The following AUTS2 variants were observed in gnomAD, a reference collection of about 807,000 sequenced individuals.
AUTS2 encodes activator of transcription and developmental regulator AUTS2, also known as autism susceptibility gene 2 protein.
AUTS2 carries 17 observed loss-of-function variants against 112.4 expected under a neutral mutation model. That is an observed-to-expected ratio of 0.15 (90% confidence interval 0.10 to 0.23). AUTS2 has a LOEUF of 0.23. Among genes scored for constraint, AUTS2 ranks in the 10% least tolerant of loss-of-function variants. The pLI is 1.00. For synonymous variants in AUTS2, 751 were observed against 702.7 expected (o/e 1.07, Z -1.09); for missense variants, 1,510 against 1,701.6 (o/e 0.89, Z 1.98).
At chr7:70,476,327 T>C (rs1797581023) in intron 5 of AUTS2, among the ~76,000 whole-genome samples, 1 of 152,242 alleles carries the variant, frequency 6.6e-6, no homozygotes, top group South Asian at 2.1e-4. Flanking sequence ...TTCCAATGGC[T>C]CAGAGCTTCT....
At chr7:70,508,617 G>T (rs1799063516) in intron 5 of AUTS2, among the ~76,000 whole-genome samples, 1 of 152,184 alleles carries the variant, frequency 6.6e-6, no homozygotes, top group Non-Finnish European at 1.5e-5. Flanking sequence ...AAATATGAGT[G>T]GGGAGAGTGT....
At chr7:70,747,713 T>A (rs1055395475) in intron 6 of AUTS2, among the ~76,000 whole-genome samples, 1 of 152,032 alleles carries the variant, frequency 6.6e-6, no homozygotes, top group Non-Finnish European at 1.5e-5. Context: ...CTTGAACTCT[T>A]GACCTCAGGT....
chr7:70,028,582 C>T (rs781389781), intron 2 of AUTS2, among the ~76,000 whole-genome samples: 3 of 152,206 alleles, frequency 2.0e-5, no homozygotes, highest in East Asian at 1.9e-4. Context: ...CTTCTGGTGT[C>T]GTCACTTCTA....
At chr7:69,752,645 G>A (rs1272187615) in intron 1 of AUTS2, among the ~76,000 whole-genome samples, 1 of 152,220 alleles carries the variant, frequency 6.6e-6, no homozygotes, top group East Asian at 1.9e-4. Context: ...TGACACTCGC[G>A]GTTGACTCGT....
chr7:69,715,227 T>G (rs374285876), intron 1 of AUTS2, among the ~76,000 whole-genome samples: 1 of 129,430 alleles, frequency 7.7e-6, no homozygotes, highest in African/African-American at 2.9e-5. Flanking sequence ...CAGGCATAAG[T>G]AAAAAAAAAA....
intron 5 of AUTS2, among the ~76,000 whole-genome samples, chr7:70,487,802 C>T (rs983480541): frequency 2.0e-5 from 3 of 152,090 alleles, no homozygotes; most frequent in African/African-American, 4.8e-5. Context: ...AAGGATAAAT[C>T]GGTGAGGAAA....
At chr7:70,251,364 A>G (rs911064331) in intron 4 of AUTS2, among the ~76,000 whole-genome samples, 29 of 152,162 alleles carry the variant, frequency 1.9e-4, no homozygotes, top group Non-Finnish European at 4.0e-4. Flanking sequence ...CACCCGGCCA[A>G]TATAAAATAT....
At chr7:70,591,287 G>T (rs1802930214) in intron 5 of AUTS2, among the ~76,000 whole-genome samples, 2 of 152,190 alleles carry the variant, frequency 1.3e-5, no homozygotes, top group Admixed American at 6.5e-5. Context: ...TTGGTTCATA[G>T]GCCATGCTGC....
At chr7:70,610,588 G>A (rs1804044077) in intron 5 of AUTS2, among the ~76,000 whole-genome samples, 1 of 151,590 alleles carries the variant, frequency 6.6e-6, no homozygotes, top group Admixed American at 6.6e-5. Context: ...ACAGGTGCAC[G>A]CCACTACACC....
chr7:70,516,636 A>G (rs888547277), intron 5 of AUTS2, among the ~76,000 whole-genome samples: 57 of 152,264 alleles, frequency 3.7e-4, no homozygotes, highest in African/African-American at 1.3e-3. Context: ...GGTTATTGTG[A>G]GGATTAAATG....
At chr7:69,830,728 G>A (rs755196644) in intron 1 of AUTS2, among the ~76,000 whole-genome samples, 3 of 152,214 alleles carry the variant, frequency 2.0e-5, no homozygotes, top group South Asian at 2.1e-4. Context: ...CACATTTATT[G>A]AGCTCGTACT....
intron 2 of AUTS2, among the ~76,000 whole-genome samples, chr7:69,946,252 T>A (rs1796804930): frequency 1.3e-5 from 2 of 152,172 alleles, no homozygotes. Context: ...TCACCCAAGT[T>A]GTTACAAACT....
At chr7:69,755,978 G>GCAAA (rs1238783689) in intron 1 of AUTS2, among the ~76,000 whole-genome samples, 4 of 152,168 alleles carry the variant, frequency 2.6e-5, no homozygotes, top group Non-Finnish European at 5.9e-5. Context: ...ACTGAGCCTT[G>GCAAA]CAAACAGGGA....
At chr7:70,701,866 G>GA (rs1160438471) in intron 6 of AUTS2, among the ~76,000 whole-genome samples, 14 of 152,280 alleles carry the variant, frequency 9.2e-5, no homozygotes, top group African/African-American at 2.6e-4. Flanking sequence ...ATCTGCCAAA[G>GA]AAAAAATTAA....
At chr7:70,515,782 G>A (rs1799391716) in intron 5 of AUTS2, among the ~76,000 whole-genome samples, 1 of 151,732 alleles carries the variant, frequency 6.6e-6, no homozygotes. Context: ...ATTAAATCAT[G>A]CAAATTGGTC....
intron 4 of AUTS2, among the ~76,000 whole-genome samples, chr7:70,395,110 T>G (rs1327091696): frequency 2.0e-5 from 3 of 151,722 alleles, no homozygotes; most frequent in Non-Finnish European, 4.4e-5. Flanking sequence ...GATTGACCAC[T>G]GTGGTGGGGA....
intron 4 of AUTS2, among the ~76,000 whole-genome samples, chr7:70,362,245 T>C (rs1792303365): frequency 6.6e-6 from 1 of 152,148 alleles, no homozygotes; most frequent in South Asian, 2.1e-4. Flanking sequence ...CAGACCGGCA[T>C]GGGGAGTGAA....
At chr7:70,432,971 T>C (rs1227937086) in intron 4 of AUTS2, among the ~76,000 whole-genome samples, 1 of 152,148 alleles carries the variant, frequency 6.6e-6, no homozygotes, top group Non-Finnish European at 1.5e-5. Flanking sequence ...TCACCCGGCA[T>C]GTTGTGTGGG....
intron 4 of AUTS2, among the ~76,000 whole-genome samples, chr7:70,421,530 C>T (rs1043523288): frequency 6.6e-6 from 1 of 152,110 alleles, no homozygotes; most frequent in African/African-American, 2.4e-5. Flanking sequence ...GACTGAAGGC[C>T]AGGAGACAAA....
Sources: gnomAD v4.1 joint callset for allele counts (sites outside exome capture counted in the v4.1 genomes callset) on GRCh38, gnomAD v4.1.1 for gene constraint, MANE v1.5 for transcripts, NCBI Gene and HGNC (gene_info 2026-07-23, HGNC 2026-07-21) for gene names.